The following GFPT2 variants were observed in gnomAD, a reference collection of about 807,000 sequenced individuals.
GFPT2 encodes the protein glutamine--fructose-6-phosphate transaminase 2.
GFPT2 carries 62 observed loss-of-function variants against 85.6 expected under a neutral mutation model. That is an observed-to-expected ratio of 0.72 (90% confidence interval 0.59 to 0.90). The LOEUF is 0.90. Among genes scored for constraint, GFPT2 ranks in the 40% least tolerant of loss-of-function variants. GFPT2 has a pLI of 0.00. For missense variants in GFPT2, 788 were observed against 893.4 expected (o/e 0.88, Z 1.50); for synonymous variants, 368 against 344.5 (o/e 1.07, Z -0.75).
intron 1 of GFPT2, among the ~76,000 whole-genome samples, chr5:180,346,000 T>A (rs150756758): frequency 6.6e-6 from 1 of 150,500 alleles, no homozygotes; most frequent in East Asian, 2.0e-4. Flanking sequence ...CCATGCACCA[T>A]GAGGATCCCA....
In GFPT2 at chr5:180,313,906, G is replaced by C. The variant is rs760448629; in HGVS notation, c.1332C>G (p.Thr444=). The C allele has an allele frequency of 6.2e-7, 1 of 1,606,594 alleles. No homozygotes were observed. Among genetic ancestry groups the C allele is most frequent in the East Asian group, 2.2e-5 (1 of 44,834 alleles). ...TGCCCACGGTGTTGGTGACGCCCAC[G>C]GTGAGAGCGCCGCGGTCCTTACAGT... is the stretch of plus-strand genomic sequence containing the variant. ...LRYCKDRGAL[T]VGVTNTVGSS... Residue 444 remains threonine (T), a synonymous_variant, in exon 14 of 19, where the codon ACC becomes ACG. Transcript: ENST00000253778.
chr5:180,302,042 G>A (rs1763683324), intron 18 of GFPT2, among the ~76,000 whole-genome samples: 1 of 151,410 alleles, frequency 6.6e-6, no homozygotes, highest in South Asian at 2.1e-4. Context: ...TGTAATCCCA[G>A]CACTTTGGGA....
At chr5:180,313,988 T>A (rs764031517) in intron 13 of GFPT2, 24 bp from the exon 14 acceptor site, 1 of 1,574,000 alleles carries the variant, frequency 6.4e-7, no homozygotes, top group East Asian at 2.3e-5. Flanking sequence ...GCCCTCTCAG[T>A]GCCGCGCTCC....
At chr5:180,315,666 TA>T (rs547032231) in intron 13 of GFPT2, among the ~76,000 whole-genome samples, 32 of 152,316 alleles carry the variant, frequency 2.1e-4, no homozygotes, top group Admixed American at 6.5e-4. Context: ...TCTACTTTTA[TA>T]AAGGCTTGGA....
At chr5:180,344,811 G>T (rs1317172036) in intron 1 of GFPT2, among the ~76,000 whole-genome samples, 1 of 149,588 alleles carries the variant, frequency 6.7e-6, no homozygotes, top group Non-Finnish European at 1.5e-5. Context: ...GGGCCCACCT[G>T]ACTTGGCTGG....
At chr5:180,316,541 C>T in intron 12 of GFPT2, 80 bp from the exon 13 acceptor site, 2 of 1,485,608 alleles carry the variant, frequency 1.3e-6, no homozygotes, top group Admixed American at 1.7e-5. Context: ...CTTCTAGGGA[C>T]AGTTTGTGAC....
intron 12 of GFPT2, 94 bp from the exon 13 acceptor site, chr5:180,316,555 G>C: frequency 7.3e-7 from 1 of 1,379,026 alleles, no homozygotes; most frequent in African/African-American, 1.4e-5. Flanking sequence ...TTGTGACACG[G>C]AACCTCACTG....
chr5:180,333,442 G>C (rs1490936405), intron 4 of GFPT2, among the ~76,000 whole-genome samples: 1 of 151,950 alleles, frequency 6.6e-6, no homozygotes, highest in Non-Finnish European at 1.5e-5. Flanking sequence ...CACCGTGTTA[G>C]CCAGGATGGT....
Position 180,335,810 on chromosome 5 carries a change from G to A in GFPT2, c.340+18C>T. 6.2e-7 allele frequency: 1 copy of A among 1,601,842 alleles called. No individual in the cohort carries two copies. The stretch of plus-strand genomic sequence containing the variant: ...AGGGTGAGGTGGAACCATGGGGACG[G>A]GGAAGCATGCCACATACCGTTGCCT... On this transcript the variant is annotated intron_variant, in intron 4 of 18. Transcript: ENST00000253778.
chr5:180,312,867 A>C (rs11249701), intron 14 of GFPT2, among the ~76,000 whole-genome samples: 46,835 of 151,976 alleles, frequency 0.31, 7,390 homozygotes, highest in South Asian at 0.39. Flanking sequence ...ACCTCCACCT[A>C]CCAGGTTCAA....
chr5:180,335,916 T>C lies in GFPT2; in HGVS notation c.252A>G (p.Thr84=). 6 of 1,573,522 alleles carry C rather than the reference T, an allele frequency of 3.8e-6. No homozygotes were observed. The highest frequency in any genetic ancestry group is 5.1e-6 in the Non-Finnish European group (6 of 1,166,138). Residue 84 remains threonine, a synonymous_variant, in exon 4 of 19, where the codon ACA becomes ACG. Transcript: ENST00000253778. ...DSMDLKVEFE[T]HFGIAHTRWA... is the part of the protein sequence containing the mutation. ...AGCGCGTGTGGGCAATGCCGAAGTG[T>C]GTCTCAAACTCCACTTTTAAGTCCA...
At chr5:180,313,753 T>G in intron 14 of GFPT2, 54 bp downstream of exon 14, 1 of 1,489,582 alleles carries the variant, frequency 6.7e-7, no homozygotes, top group Non-Finnish European at 9.0e-7. Flanking sequence ...CGGCCTCTGG[T>G]GCACCTGCCT....
chr5:180,352,840 G>A (rs939525452), intron 1 of GFPT2: 4 of 368,830 alleles, frequency 1.1e-5, no homozygotes, highest in Admixed American at 5.2e-5. Context: ...GCCTTTGTGG[G>A]CGACTGGGAG....
At chr5:180,306,359 C>T (rs546274477) in intron 16 of GFPT2, among the ~76,000 whole-genome samples, 24 of 152,326 alleles carry the variant, frequency 1.6e-4, no homozygotes, top group African/African-American at 5.5e-4. Context: ...ACGGTTAATG[C>T]CCTCGTCTTG....
chr5:180,315,169 G>C (rs1376083291), intron 13 of GFPT2, among the ~76,000 whole-genome samples: 1 of 151,310 alleles, frequency 6.6e-6, no homozygotes, highest in South Asian at 2.1e-4. Context: ...GTGGTCATAC[G>C]TTTTTCTTTT....
chr5:180,339,177 C>T (rs572979649), intron 1 of GFPT2, among the ~76,000 whole-genome samples: 53 of 152,148 alleles, frequency 3.5e-4, no homozygotes, highest in Middle Eastern at 6.8e-3. Context: ...GTCAGGAGTT[C>T]GAGACCAGCC....
At chr5:180,346,518 C>T (rs1029341591) in intron 1 of GFPT2, among the ~76,000 whole-genome samples, 1 of 152,216 alleles carries the variant, frequency 6.6e-6, no homozygotes, top group Non-Finnish European at 1.5e-5. Context: ...CCAGCTACAT[C>T]CCTCTCTCGT....
intron 1 of GFPT2, among the ~76,000 whole-genome samples, chr5:180,342,229 G>A (rs144471662): frequency 2.6e-4 from 39 of 152,108 alleles, no homozygotes; most frequent in African/African-American, 8.7e-4. Context: ...TCTTGGGCAC[G>A]TCTTTATCAG....
chr5:180,335,936 A>G lies in GFPT2; in HGVS notation c.232T>C (p.Leu78=). Residue 78 remains leucine (L), a synonymous_variant, in exon 4 of 19, where the codon TTA becomes CTA. Transcript: ENST00000253778. ...EELYKQDSMD[L]KVEFETHFGI... ...AAGTGTGTCTCAAACTCCACTTTTA[A>G]GTCCATGCTGTCTTGTTCTAAATGA... The G allele has an allele frequency of 6.3e-7, 1 of 1,575,800 alleles. No homozygotes were observed. Among genetic ancestry groups the G allele is most frequent in the Non-Finnish European group, 8.6e-7 (1 of 1,166,258 alleles).
Sources: allele counts gnomAD v4.1 joint callset (sites outside exome capture counted in the v4.1 genomes callset), GRCh38; gene constraint gnomAD v4.1.1; transcripts MANE v1.5; gene names NCBI Gene and HGNC (gene_info 2026-07-23, HGNC 2026-07-21).